DLEC1: variants seen among roughly 807,000 people sequenced by gnomAD.
DLEC1 encodes deleted in lung and esophageal cancer protein 1.
DLEC1 carries 146 observed loss-of-function variants against 198.1 expected under a neutral mutation model. The ratio of observed to expected loss-of-function variants is 0.74; its 90% CI spans 0.64 to 0.85. The LOEUF (loss-of-function observed/expected upper bound fraction) is 0.85, where lower values mean the gene tolerates loss of function less well. DLEC1 is among the 40% of genes least tolerant of loss of function. The pLI, the probability that DLEC1 is intolerant of heterozygous loss-of-function variation, is 0.00. For missense variants in DLEC1, 2,233 were observed against 2,220.0 expected (o/e 1.01, Z -0.12); for synonymous variants, 897 against 866.8 (o/e 1.03, Z -0.61).
chr3:38,108,663 C>T, intron 21 of DLEC1, 148 bp downstream of exon 21: 1 of 675,170 alleles, frequency 1.5e-6, no homozygotes, highest in Non-Finnish European at 2.6e-6. Context: ...CTGGGGTCCC[C>T]ATTCCTGCTG....
chr3:38,101,206 C>T (rs1222321168), intron 19 of DLEC1, among the ~76,000 whole-genome samples: 2 of 152,064 alleles, frequency 1.3e-5, no homozygotes, highest in African/African-American at 4.8e-5. Context: ...GCCTGTAATC[C>T]CAGCACTTTG....
chr3:38,086,428 A>G (rs754009329), intron 9 of DLEC1, 51 bp downstream of exon 9: 1 of 1,566,120 alleles, frequency 6.4e-7, no homozygotes, highest in Non-Finnish European at 8.7e-7. Flanking sequence ...CATCAAAGGA[A>G]ATAACCCCCA....
Position 38,109,466 on chromosome 3 carries a change from T to C in DLEC1, c.3164T>C (p.Val1055Ala). The C allele has an allele frequency of 6.2e-7, 1 of 1,614,182 alleles. No individual in the cohort carries two copies. The highest frequency in any genetic ancestry group is 8.5e-7 in the Non-Finnish European group (1 of 1,180,002). Residue 1055 changes from valine to alanine, a missense_variant, in exon 22 of 37, where the codon GTG becomes GCG. Coordinates refer to ENST00000308059, the MANE Select transcript of DLEC1 (RefSeq NM_007335.4). ...ACCCATCTGGCCCTCCCTTGTCACGTGTCAGGCATGAAGAAGCCACTGGTT... is the reference window on the plus strand; with the variant it reads ...ACCCATCTGGCCCTCCCTTGTCACGCGTCAGGCATGAAGAAGCCACTGGTT... ...ELTHLALPCHVSGMKKPLVLG... is the reference protein window; with the variant it reads ...ELTHLALPCHASGMKKPLVLG...
intron 32 of DLEC1, 90 bp from the exon 33 acceptor site, chr3:38,117,716 C>T (rs1700255621): frequency 3.1e-6 from 5 of 1,594,074 alleles, no homozygotes; most frequent in African/African-American, 1.3e-5. Context: ...CAAATCCCCT[C>T]CCCCAGCCCT....
intron 2 of DLEC1, among the ~76,000 whole-genome samples, chr3:38,051,102 T>C (rs557427476): frequency 2.0e-5 from 3 of 152,104 alleles, no homozygotes; most frequent in Non-Finnish European, 4.4e-5. Context: ...GGTTTCACTG[T>C]GTTGCCCAGG....
In DLEC1 at chr3:38,117,928, C is replaced by G. The variant is rs753139739; in HGVS notation, c.4608C>G (p.Asp1536Glu). The G allele has an allele frequency of 1.9e-6, 3 of 1,614,160 alleles. No individual in the cohort carries two copies. The highest frequency in any genetic ancestry group is 2.5e-6 in the Non-Finnish European group (3 of 1,180,018). The change falls in exon 33 of 37, where the codon GAC (aspartate) becomes GAG (glutamate). Residue 1536 changes from aspartate to glutamate, a missense_variant. Transcript: ENST00000308059. ...TTTCTCAAGATGGGGCGAGCCAGGA[C>G]CACAGAGCTCCTGGCCCTGGCCAGA... The part of the protein sequence containing the change: ...FSVSQDGASQ[D>E]HRAPGPGQKQ...
In DLEC1 at chr3:38,097,830, G is replaced by C. The variant is rs551671817; in HGVS notation, c.2652G>C (p.Arg884=). 6.2e-7 allele frequency: 1 copy of C among 1,614,086 alleles called. No individual in the cohort carries two copies. The highest frequency in any genetic ancestry group is 8.5e-7 in the Non-Finnish European group (1 of 1,180,052). Residue 884 remains arginine (R), a synonymous_variant, in exon 18 of 37, where the codon CGG becomes CGC. Transcript: ENST00000308059. ...AAGCCACAAACTCCATCCAGATCCGGAACGTCAGCCAGCTCCCAGCCACAT... is the reference window on the plus strand; with the variant it reads ...AAGCCACAAACTCCATCCAGATCCGCAACGTCAGCCAGCTCCCAGCCACAT... ...GQKATNSIQI[R]NVSQLPATWR...
At chr3:38,068,437 C>T (rs1371191000) in intron 6 of DLEC1, among the ~76,000 whole-genome samples, 1 of 151,886 alleles carries the variant, frequency 6.6e-6, no homozygotes, top group Admixed American at 6.6e-5. Flanking sequence ...TGCTATGTTG[C>T]CCAGGCTGGT....
At chr3:38,053,363 G>A (rs550210555) in intron 2 of DLEC1, among the ~76,000 whole-genome samples, 10 of 151,286 alleles carry the variant, frequency 6.6e-5, no homozygotes, top group Admixed American at 4.6e-4. Flanking sequence ...CTGCCCGGCC[G>A]CCCATTGTCT....
chr3:38,100,223 C>T, intron 18 of DLEC1, 63 bp from the exon 19 acceptor site: 2 of 1,525,402 alleles, frequency 1.3e-6, no homozygotes, highest in Admixed American at 2.1e-5. Context: ...ATGGCCAGCC[C>T]CCAGTTCCTC....
chr3:38,106,727 G>A (rs944981208), intron 19 of DLEC1, among the ~76,000 whole-genome samples: 2 of 136,168 alleles, frequency 1.5e-5, no homozygotes, highest in East Asian at 2.1e-4. Flanking sequence ...CTGCACCCCA[G>A]CCTGGGTGAC....
At position 38,117,916 on chromosome 3, in the gene DLEC1, G is replaced by A. The variant is rs1422037808; in HGVS notation, c.4596G>A (p.Gly1532=). The A allele has an allele frequency of 2.5e-6, 4 of 1,614,128 alleles. No individual in the cohort carries two copies. The highest frequency in any genetic ancestry group is 3.4e-6 in the Non-Finnish European group (4 of 1,180,018). Residue 1532 remains glycine (G), a synonymous_variant, in exon 33 of 37, where the codon GGG becomes GGA. Transcript: ENST00000308059. ...VSRPFSVSQD[G]ASQDHRAPGP... is the part of the protein sequence containing the mutation. ...GGCCCTTCTCCGTTTCTCAAGATGG[G>A]GCGAGCCAGGACCACAGAGCTCCTG...
chr3:38,084,548 A>AGTAGTAGTGGTAGTAGTAGTAGTGGGGGG (rs1559430812), intron 7 of DLEC1, among the ~76,000 whole-genome samples: 2 of 1,404 alleles, frequency 1.4e-3, no homozygotes, highest in Admixed American at 9.3e-3. Flanking sequence ...TGGTAGTAGT[A>AGTAGTAGTGGTAGTAGTAGTAGTGGGGGG]GTGGTAGTAG....
In DLEC1 at chr3:38,086,326, T is replaced by C. The variant is rs757311126; in HGVS notation, c.1521T>C (p.Val507=). The change falls in exon 9 of 37, where the codon GTT becomes GTC. Residue 507 remains valine, a synonymous_variant. Transcript: ENST00000308059. ...RFICKNVGFS[V]GRFCIMPKTS... is the part of the protein sequence containing the mutation. ...TCTGCAAAAATGTGGGTTTCAGTGT[T>C]GGCAGGTTCTGCATTATGCCCAAAA... 6.2e-7 allele frequency: 1 copy of C among 1,613,358 alleles called. No homozygotes were observed. The highest frequency in any genetic ancestry group is 2.2e-5 in the East Asian group (1 of 44,848).
chr3:38,106,818 C>A (rs1399851111), intron 19 of DLEC1, among the ~76,000 whole-genome samples: 1 of 147,534 alleles, frequency 6.8e-6, no homozygotes, highest in African/African-American at 2.5e-5. Context: ...TCTAGATTAT[C>A]TAGGATAATC....
At chr3:38,061,659 TTTG>T (rs1254807353) in intron 3 of DLEC1, among the ~76,000 whole-genome samples, 2 of 152,258 alleles carry the variant, frequency 1.3e-5, no homozygotes, top group South Asian at 4.2e-4. Flanking sequence ...AGTCCTAAAT[TTTG>T]TTGTTGTTTG....
rs1218374524 is a variant in DLEC1, at chr3:38,094,892, G to A, written c.1933G>A (p.Ala645Thr). 1 of 1,614,046 alleles carries A rather than the reference G, an allele frequency of 6.2e-7. No individual in the cohort carries two copies. The highest frequency in any genetic ancestry group is 1.7e-5 in the Admixed American group (1 of 60,030). The change falls in exon 13 of 37, where the codon GCC becomes ACC. Residue 645 changes from alanine (A) to threonine (T), a missense_variant. Transcript: ENST00000308059. ...IIRNATHVEL[A>T]FYWQIMKPNL... is the part of the protein sequence containing the mutation. The stretch of plus-strand genomic sequence containing the variant: ...TTGCCCCCACAGGCACGTGGAGCTG[G>A]CCTTCTACTGGCAGATCATGAAGCC...
chr3:38,076,261 G>A (rs1276690950), intron 6 of DLEC1, among the ~76,000 whole-genome samples: 28 of 152,170 alleles, frequency 1.8e-4, no homozygotes, highest in South Asian at 4.2e-4. Context: ...TGGGCTCATC[G>A]GTCTGAGGAC....
At chr3:38,097,306 C>T (rs1413171554) in intron 16 of DLEC1, 31 bp downstream of exon 16, 2 of 1,560,872 alleles carry the variant, frequency 1.3e-6, no homozygotes, top group African/African-American at 2.7e-5. Context: ...GGGGTTGTGA[C>T]CTGCCTGGGG....
Sources: allele counts gnomAD v4.1 joint callset (sites outside exome capture counted in the v4.1 genomes callset), GRCh38; gene constraint gnomAD v4.1.1; transcripts MANE v1.5; gene names NCBI Gene and HGNC (gene_info 2026-07-23, HGNC 2026-07-21).